MTHFD2L: variants seen among roughly 807,000 people sequenced by gnomAD.
MTHFD2L encodes methylenetetrahydrofolate dehydrogenase (NADP+ dependent) 2 like.
In MTHFD2L, 29 loss-of-function variants were observed where a neutral mutation model predicts 34.9. The ratio of observed to expected loss-of-function variants is 0.83; its 90% CI spans 0.62 to 1.13. MTHFD2L has a LOEUF of 1.13. MTHFD2L is among the 50% of genes most tolerant of loss of function. The pLI, the probability that MTHFD2L is intolerant of heterozygous loss-of-function variation, is 0.00. For synonymous variants in MTHFD2L, 167 were observed against 155.7 expected (o/e 1.07, Z -0.54); for missense variants, 481 against 446.5 (o/e 1.08, Z -0.70).
chr4:74,193,126 A>G (rs1265510510), intron 3 of MTHFD2L, among the ~76,000 whole-genome samples: 1 of 152,182 alleles, frequency 6.6e-6, no homozygotes, highest in Non-Finnish European at 1.5e-5. Context: ...TTTTCTGTGT[A>G]GTATGAAATA....
chr4:74,301,168 C>T (rs1462777978), intron 7 of MTHFD2L, among the ~76,000 whole-genome samples: 1 of 152,050 alleles, frequency 6.6e-6, no homozygotes, highest in Non-Finnish European at 1.5e-5. Flanking sequence ...AATAAGTTCC[C>T]ATACCTCTGA....
chr4:74,196,501 T>C (rs74477115), intron 3 of MTHFD2L, among the ~76,000 whole-genome samples: 1,630 of 152,330 alleles, frequency 0.011, 13 homozygotes, highest in Non-Finnish European at 0.016. Context: ...CTTGCACTTA[T>C]CCAACAGATG....
chr4:74,247,876 G>T (rs377491820), intron 6 of MTHFD2L, among the ~76,000 whole-genome samples: 2,599 of 152,146 alleles, frequency 0.017, 91 homozygotes, highest in African/African-American at 0.06. Context: ...GCTGGATTCG[G>T]TTTGCCAGTA....
intron 6 of MTHFD2L, among the ~76,000 whole-genome samples, chr4:74,226,412 G>A (rs1483498001): frequency 6.6e-6 from 1 of 152,106 alleles, no homozygotes; most frequent in East Asian, 1.9e-4. Flanking sequence ...CTTCAATGAT[G>A]AGACTCTTTA....
intron 6 of MTHFD2L, among the ~76,000 whole-genome samples, chr4:74,248,951 T>A (rs1285104574): frequency 1.3e-5 from 2 of 151,138 alleles, no homozygotes; most frequent in Non-Finnish European, 3.0e-5. Flanking sequence ...AAAAAATGTA[T>A]ATTCTGTTGA....
intron 5 of MTHFD2L, among the ~76,000 whole-genome samples, chr4:74,222,785 T>TG (rs1738441445): frequency 6.6e-6 from 1 of 152,076 alleles, no homozygotes; most frequent in Non-Finnish European, 1.5e-5. Context: ...TTCAAAATTG[T>TG]TTGCAACTTT....
At chr4:74,139,001 A>G (rs1723125806) in intron 1 of MTHFD2L, among the ~76,000 whole-genome samples, 1 of 152,216 alleles carries the variant, frequency 6.6e-6, no homozygotes, top group Non-Finnish European at 1.5e-5. Context: ...GTTTAAAGGT[A>G]GGTGCAGTCA....
intron 6 of MTHFD2L, among the ~76,000 whole-genome samples, chr4:74,226,198 A>G (rs1220288877): frequency 2.0e-5 from 3 of 152,194 alleles, no homozygotes; most frequent in Admixed American, 6.5e-5. Context: ...GACAAAAAAA[A>G]AATCCCCTTT....
chr4:74,281,009 C>G (rs1466307881), intron 6 of MTHFD2L, among the ~76,000 whole-genome samples: 1 of 151,864 alleles, frequency 6.6e-6, no homozygotes, highest in Non-Finnish European at 1.5e-5. Flanking sequence ...CTTCCTCCCT[C>G]CCTTCCTCCC....
At chr4:74,198,183 T>A (rs958687670) in intron 3 of MTHFD2L, among the ~76,000 whole-genome samples, 2 of 152,204 alleles carry the variant, frequency 1.3e-5, no homozygotes, top group African/African-American at 4.8e-5. Flanking sequence ...AGTCTCTAGT[T>A]CTGGCTTCCA....
chr4:74,272,662 A>T (rs73824449), intron 6 of MTHFD2L, among the ~76,000 whole-genome samples: 6,470 of 152,098 alleles, frequency 0.043, 449 homozygotes, highest in African/African-American at 0.14. Flanking sequence ...TTGATTTAAG[A>T]CTTATTTGAT....
chr4:74,197,627 AT>A (rs1733712335), intron 3 of MTHFD2L, among the ~76,000 whole-genome samples: 2 of 152,130 alleles, frequency 1.3e-5, no homozygotes, highest in Non-Finnish European at 2.9e-5. Flanking sequence ...GGAAAAACTG[AT>A]CTTAGAACAA....
intron 3 of MTHFD2L, among the ~76,000 whole-genome samples, chr4:74,186,751 T>TGTAGG (rs2110005165): frequency 2.6e-5 from 4 of 152,132 alleles, no homozygotes; most frequent in African/African-American, 9.6e-5. Flanking sequence ...AAAATACCAA[T>TGTAGG]TTTCCTCCAA....
intron 6 of MTHFD2L, chr4:74,267,070 A>C: frequency 1.0e-6 from 1 of 985,250 alleles, no homozygotes; most frequent in Non-Finnish European, 1.2e-6. Context: ...CCTTGCTTTG[A>C]TCCTTTTACA....
chr4:74,202,593 G>A (rs558615725), intron 5 of MTHFD2L, among the ~76,000 whole-genome samples: 153 of 152,306 alleles, frequency 1.0e-3, no homozygotes, highest in African/African-American at 3.0e-3. Flanking sequence ...GTTATTCAGC[G>A]TATCACTGTC....
intron 1 of MTHFD2L, among the ~76,000 whole-genome samples, chr4:74,142,653 T>C (rs1723346464): frequency 6.6e-6 from 1 of 152,228 alleles, no homozygotes; most frequent in Admixed American, 6.5e-5. Context: ...TGACATGTAT[T>C]ATGGGAAACT....
At chr4:74,187,546 GA>G (rs754333641) in intron 3 of MTHFD2L, among the ~76,000 whole-genome samples, 2 of 152,100 alleles carry the variant, frequency 1.3e-5, no homozygotes, top group African/African-American at 2.4e-5. Context: ...AAATTCAAAT[GA>G]AAAGTATTAA....
At chr4:74,200,510 G>C (rs1734247207) in intron 4 of MTHFD2L, among the ~76,000 whole-genome samples, 1 of 151,968 alleles carries the variant, frequency 6.6e-6, no homozygotes, top group African/African-American at 2.4e-5. Context: ...ATATTTTTCT[G>C]TACCTTTAAA....
At chr4:74,260,748 T>C (rs1268427814) in intron 6 of MTHFD2L, among the ~76,000 whole-genome samples, 1 of 152,078 alleles carries the variant, frequency 6.6e-6, no homozygotes, top group East Asian at 1.9e-4. Flanking sequence ...ATCAGGAGAA[T>C]TTAAAAACCT....
Sources: allele counts gnomAD v4.1 joint callset (sites outside exome capture counted in the v4.1 genomes callset), GRCh38; gene constraint gnomAD v4.1.1; transcripts MANE v1.5; gene names NCBI Gene and HGNC (gene_info 2026-07-23, HGNC 2026-07-21).